HHAT: variants seen among roughly 807,000 people sequenced by gnomAD.
The protein encoded by HHAT is protein-cysteine N-palmitoyltransferase HHAT.
HHAT carries 47 observed loss-of-function variants against 70.8 expected under a neutral mutation model. The observed-to-expected ratio is 0.66, with a 90% confidence interval of 0.53 to 0.85. The LOEUF (loss-of-function observed/expected upper bound fraction) is 0.85. HHAT is among the 40% of genes least tolerant of loss of function. HHAT has a pLI of 0.00. For missense variants in HHAT, 609 were observed against 604.8 expected (o/e 1.01, Z -0.07); for synonymous variants, 228 against 247.6 (o/e 0.92, Z 0.74).
chr1:210,654,621 G>T (rs1054519427), intron 11 of HHAT, among the ~76,000 whole-genome samples: 1 of 152,214 alleles, frequency 6.6e-6, no homozygotes, highest in African/African-American at 2.4e-5. Context: ...CTACTGCTCT[G>T]TATATAGTAG....
chr1:210,373,290 T>C (rs1393722805), intron 3 of HHAT, among the ~76,000 whole-genome samples: 2 of 151,912 alleles, frequency 1.3e-5, no homozygotes, highest in Non-Finnish European at 2.9e-5. Context: ...GATCTGAAAT[T>C]TGGGGGGAGG....
At chr1:210,560,308 G>T (rs1228684799) in intron 9 of HHAT, among the ~76,000 whole-genome samples, 1 of 152,020 alleles carries the variant, frequency 6.6e-6, no homozygotes, top group East Asian at 1.9e-4. Context: ...AGAGTCAAAG[G>T]TTTTTTTCCC....
chr1:210,566,175 C>T (rs904855541), intron 9 of HHAT, among the ~76,000 whole-genome samples: 2 of 152,092 alleles, frequency 1.3e-5, no homozygotes, highest in African/African-American at 2.4e-5. Context: ...AATTAGCAAA[C>T]GAAATAGGGT....
chr1:210,333,871 G>A (rs2085223650), intron 1 of HHAT, among the ~76,000 whole-genome samples: 1 of 152,058 alleles, frequency 6.6e-6, no homozygotes, highest in Non-Finnish European at 1.5e-5. Flanking sequence ...TGGCCAGGCT[G>A]GTCTTGAACT....
intron 7 of HHAT, among the ~76,000 whole-genome samples, chr1:210,442,296 T>C (rs2093534501): frequency 7.5e-6 from 1 of 133,862 alleles, no homozygotes; most frequent in African/African-American, 2.8e-5. Flanking sequence ...TTGTGAATAA[T>C]GCCGCAGTAA....
At chr1:210,581,177 G>GT (rs1228415734) in intron 9 of HHAT, among the ~76,000 whole-genome samples, 1 of 152,078 alleles carries the variant, frequency 6.6e-6, no homozygotes, top group Non-Finnish European at 1.5e-5. Context: ...GGGATTATTT[G>GT]TTTTTTTCTT....
intron 8 of HHAT, among the ~76,000 whole-genome samples, chr1:210,472,769 T>C (rs1235722719): frequency 6.6e-6 from 1 of 152,212 alleles, no homozygotes; most frequent in Non-Finnish European, 1.5e-5. Flanking sequence ...ATATAACACA[T>C]CAATGAATGC....
At chr1:210,644,047 C>A (rs891742557) in intron 11 of HHAT, among the ~76,000 whole-genome samples, 5 of 152,074 alleles carry the variant, frequency 3.3e-5, no homozygotes, top group African/African-American at 1.2e-4. Context: ...TTCCAGTATA[C>A]TTTGCAGAAG....
At chr1:210,372,289 A>G (rs551147882) in intron 3 of HHAT, among the ~76,000 whole-genome samples, 49 of 152,286 alleles carry the variant, frequency 3.2e-4, no homozygotes, top group Non-Finnish European at 5.7e-4. Flanking sequence ...ATGATCAGAG[A>G]AGACTCTCTG....
chr1:210,441,816 A>G (rs1033255151), intron 7 of HHAT, among the ~76,000 whole-genome samples: 8 of 149,054 alleles, frequency 5.4e-5, no homozygotes, highest in Admixed American at 2.0e-4. Context: ...GTGTATATGT[A>G]TATATATGTA....
At chr1:210,500,019 G>A (rs904287326) in intron 8 of HHAT, among the ~76,000 whole-genome samples, 1 of 152,156 alleles carries the variant, frequency 6.6e-6, no homozygotes, top group Non-Finnish European at 1.5e-5. Context: ...TCCTGGTTAT[G>A]GCAAAAAGTC....
intron 8 of HHAT, among the ~76,000 whole-genome samples, chr1:210,494,625 C>T (rs2094605650): frequency 7.3e-6 from 1 of 136,882 alleles, no homozygotes. Flanking sequence ...AGTCTTGGCT[C>T]ACTGCAACCT....
chr1:210,569,183 G>T (rs894123768), intron 9 of HHAT, among the ~76,000 whole-genome samples: 2 of 151,822 alleles, frequency 1.3e-5, no homozygotes, highest in East Asian at 1.9e-4. Flanking sequence ...AGACCAGCCT[G>T]GCCAACATGG....
At chr1:210,661,653 A>G (rs181356216) in intron 11 of HHAT, among the ~76,000 whole-genome samples, 173 of 152,374 alleles carry the variant, frequency 1.1e-3, no homozygotes, top group African/African-American at 4.1e-3. Context: ...AACCAACCCA[A>G]ATGTCCATCA....
In HHAT at chr1:210,614,074, T is replaced by C. The variant is rs370957272; in HGVS notation, c.1246-9452T>C. 3.3e-5 allele frequency among the ~76,000 whole-genome samples: 5 copies of C among 152,068 alleles called. No individual in the cohort carries two copies. The South Asian group carries it at 8.3e-4, about 25-fold the overall frequency. On this transcript the variant is annotated intron_variant, in intron 10 of 11. Transcript: ENST00000261458. ...CCCATCTATGAACGTGGGATATCTT[T>C]GTATTTATGTCTTCTTTCAGCATTG...
intron 5 of HHAT, among the ~76,000 whole-genome samples, chr1:210,402,237 G>A (rs959247431): frequency 1.1e-4 from 16 of 152,196 alleles, no homozygotes; most frequent in Admixed American, 5.2e-4. Flanking sequence ...GGGGCCAGTT[G>A]ACTCTGAGAA....
At chr1:210,560,812 C>A (rs1938293) in intron 9 of HHAT, among the ~76,000 whole-genome samples, 1 of 56,274 alleles carries the variant, frequency 1.8e-5, no homozygotes, top group Admixed American at 3.1e-4. Flanking sequence ...GACCCTGTGT[C>A]TTAAAAAAAA....
intron 11 of HHAT, among the ~76,000 whole-genome samples, chr1:210,647,394 A>C (rs1674273861): frequency 6.6e-6 from 1 of 152,210 alleles, no homozygotes; most frequent in Admixed American, 6.5e-5. Flanking sequence ...TTCAACCCAT[A>C]AGACCTATTA....
intron 11 of HHAT, among the ~76,000 whole-genome samples, chr1:210,640,642 C>T (rs542995372): frequency 2.6e-5 from 4 of 152,094 alleles, no homozygotes; most frequent in African/African-American, 9.6e-5. Flanking sequence ...TCAAAACATG[C>T]GTGCGTGTAA....
Sources: gnomAD v4.1 joint callset for allele counts (sites outside exome capture counted in the v4.1 genomes callset) on GRCh38, gnomAD v4.1.1 for gene constraint, MANE v1.5 for transcripts, NCBI Gene and HGNC (gene_info 2026-07-23, HGNC 2026-07-21) for gene names.